Variants in RAD51B observed in about 807,000 individuals in gnomAD.
RAD51B encodes the protein DNA repair protein RAD51 homolog 2.
A neutral mutation model predicts 42.2 loss-of-function variants in RAD51B; 38 were observed. The ratio of observed to expected loss-of-function variants is 0.90; its 90% CI spans 0.70 to 1.18. The LOEUF (loss-of-function observed/expected upper bound fraction) is 1.18. RAD51B is among the 50% of genes most tolerant of loss of function. The probability of loss-of-function intolerance (pLI) is 0.00; values close to 1 mark genes in which losing one functional copy is unlikely to be tolerated. For missense variants in RAD51B, 373 were observed against 400.7 expected (o/e 0.93, Z 0.59); for synonymous variants, 154 against 145.2 (o/e 1.06, Z -0.43).
chr14:68,468,071 C>A, intron 9 of RAD51B, 101 bp from the exon 10 acceptor site: 4 of 931,920 alleles, frequency 4.3e-6, no homozygotes, highest in Admixed American at 2.0e-5. Flanking sequence ...TTGTGACTTA[C>A]AGTCCTATGT....
intron 7 of RAD51B, among the ~76,000 whole-genome samples, chr14:68,216,169 C>G (rs1416237313): frequency 1.3e-5 from 2 of 152,132 alleles, no homozygotes; most frequent in Non-Finnish European, 2.9e-5. Context: ...TGGCATCAGC[C>G]CAAGCAGAGT....
chr14:68,288,338 A>T (rs2081452561), intron 7 of RAD51B, among the ~76,000 whole-genome samples: 1 of 152,246 alleles, frequency 6.6e-6, no homozygotes, highest in South Asian at 2.1e-4. Flanking sequence ...TGATTAGCAA[A>T]GCCCTGAGTT....
chr14:67,949,355 C>CA (rs1364767101), intron 7 of RAD51B, among the ~76,000 whole-genome samples: 1 of 152,176 alleles, frequency 6.6e-6, no homozygotes, highest in African/African-American at 2.4e-5. Flanking sequence ...ATGTTATTAG[C>CA]ATCATCACCC....
chr14:68,218,323 A>G (rs1018165698), intron 7 of RAD51B, among the ~76,000 whole-genome samples: 1 of 152,212 alleles, frequency 6.6e-6, no homozygotes, highest in Non-Finnish European at 1.5e-5. Flanking sequence ...AAGATATAAT[A>G]TTGCCTGGCT....
intron 7 of RAD51B, among the ~76,000 whole-genome samples, chr14:68,258,443 T>TCTCTCACA (rs1555382642): frequency 6.7e-6 from 1 of 149,984 alleles, no homozygotes; most frequent in African/African-American, 2.5e-5. Flanking sequence ...TCTCTCTCTC[T>TCTCTCACA]CACACACACA....
chr14:68,221,776 C>G (rs2079932239), intron 7 of RAD51B, among the ~76,000 whole-genome samples: 1 of 152,168 alleles, frequency 6.6e-6, no homozygotes, highest in Admixed American at 6.5e-5. Flanking sequence ...AAAATCTTTA[C>G]AAAATCTATA....
At chr14:68,577,568 A>T (rs1890018708) in intron 10 of RAD51B, among the ~76,000 whole-genome samples, 1 of 151,692 alleles carries the variant, frequency 6.6e-6, no homozygotes, top group South Asian at 2.1e-4. Flanking sequence ...ACAAGCCATG[A>T]GCCAGGGTTC....
At chr14:68,043,037 G>C (rs544714869) in intron 7 of RAD51B, among the ~76,000 whole-genome samples, 1 of 151,854 alleles carries the variant, frequency 6.6e-6, no homozygotes, top group East Asian at 1.9e-4. Context: ...AAGGCTAAAT[G>C]CTCTTTGAAT....
At chr14:68,174,379 C>A (rs1474274649) in intron 7 of RAD51B, among the ~76,000 whole-genome samples, 173 of 144,466 alleles carry the variant, frequency 1.2e-3, no homozygotes, top group Admixed American at 1.0e-3. Flanking sequence ...ACCCTGTCTC[C>A]AAAAAAAAAA....
intron 10 of RAD51B, among the ~76,000 whole-genome samples, chr14:68,517,421 A>G (rs1260090966): frequency 6.6e-6 from 1 of 152,232 alleles, no homozygotes; most frequent in Non-Finnish European, 1.5e-5. Flanking sequence ...CGTGACTGCC[A>G]GCATAGTCTA....
At chr14:67,873,180 A>T (rs1375955359) in intron 5 of RAD51B, among the ~76,000 whole-genome samples, 4 of 152,246 alleles carry the variant, frequency 2.6e-5, no homozygotes, top group African/African-American at 9.6e-5. Context: ...AAATTTTCGC[A>T]ACCTACTCGT....
intron 10 of RAD51B, among the ~76,000 whole-genome samples, chr14:68,491,854 C>T (rs1884102988): frequency 2.6e-5 from 4 of 152,350 alleles, no homozygotes; most frequent in Non-Finnish European, 4.4e-5. Flanking sequence ...AGTTTTAAGA[C>T]ATAAATCAGA....
At chr14:68,458,184 T>C (rs2085752362) in intron 9 of RAD51B, among the ~76,000 whole-genome samples, 2 of 152,190 alleles carry the variant, frequency 1.3e-5, no homozygotes, top group Non-Finnish European at 2.9e-5. Flanking sequence ...TTCCGTTTTT[T>C]GAGACAGGGC....
chr14:67,991,567 A>G (rs1199147013), intron 7 of RAD51B, among the ~76,000 whole-genome samples: 3 of 152,212 alleles, frequency 2.0e-5, no homozygotes, highest in Non-Finnish European at 4.4e-5. Flanking sequence ...CATCTGAAAG[A>G]GTGATATTTA....
intron 11 of RAD51B, among the ~76,000 whole-genome samples, chr14:68,656,291 G>A (rs1892813355): frequency 6.6e-6 from 1 of 152,150 alleles, no homozygotes; most frequent in Admixed American, 6.5e-5. Context: ...GGTCATCTCA[G>A]CCCACCCACA....
chr14:67,944,181 C>A (rs559968584), intron 7 of RAD51B, among the ~76,000 whole-genome samples: 3 of 147,198 alleles, frequency 2.0e-5, no homozygotes, highest in African/African-American at 7.6e-5. Flanking sequence ...TCTTAGAGTA[C>A]GTGCCTCTAA....
At chr14:68,024,911 C>T (rs1454582071) in intron 7 of RAD51B, among the ~76,000 whole-genome samples, 2 of 152,024 alleles carry the variant, frequency 1.3e-5, no homozygotes, top group African/African-American at 4.8e-5. Flanking sequence ...CGAGATTAGG[C>T]ACCTTTTTCT....
chr14:68,294,806 C>T (rs10132889), intron 8 of RAD51B, among the ~76,000 whole-genome samples: 14,363 of 152,210 alleles, frequency 0.094, 778 homozygotes, highest in African/African-American at 0.13. Flanking sequence ...ACTGATACTT[C>T]GGCATACCTG....
At chr14:68,425,214 C>A (rs945097263) in intron 9 of RAD51B, among the ~76,000 whole-genome samples, 1 of 152,174 alleles carries the variant, frequency 6.6e-6, no homozygotes, top group Non-Finnish European at 1.5e-5. Context: ...GAGTGACTGC[C>A]ATAGCAGTCA....
Sources: gnomAD v4.1 joint callset for allele counts (sites outside exome capture counted in the v4.1 genomes callset) on GRCh38, gnomAD v4.1.1 for gene constraint, MANE v1.5 for transcripts, NCBI Gene and HGNC (gene_info 2026-07-23, HGNC 2026-07-21) for gene names.